LTBP2: variants seen among roughly 807,000 people sequenced by gnomAD.
LTBP2 encodes the protein latent transforming growth factor beta binding protein 2, also known as latent-transforming growth factor beta-binding protein 2.
Under a neutral mutation model 210.6 loss-of-function variants are expected in LTBP2, and 103 were observed. The ratio of observed to expected loss-of-function variants is 0.49; its 90% confidence interval spans 0.42 to 0.58. LTBP2 has a LOEUF of 0.58. LTBP2 is among the 20% of genes least tolerant of loss of function. The pLI is 0.00. For missense variants in LTBP2, 2,313 were observed against 2,494.5 expected, an observed-to-expected ratio of 0.93 and a Z score of 1.55; for synonymous variants, 1,007 against 1,015.0, an observed-to-expected ratio of 0.99 and a Z score of 0.15.
At position 74,552,454 on chromosome 14, in the gene LTBP2, T is replaced by C. The variant is rs11622992; in HGVS notation, c.1193-61A>G. ...AGAACAGCAGCACCCGCTCTGTGGC[T>C]GGTGACCACCACAGAGAAACAGGCG... On this transcript the variant is annotated intron_variant, in intron 5 of 35. Coordinates refer to ENST00000261978, the MANE Select transcript of LTBP2 (RefSeq NM_000428.3). The C allele has an allele frequency of 0.56, 842,127 of 1,500,100 alleles. 244,019 individuals carry two copies. Among genetic ancestry groups the C allele is most frequent in the African/African-American group, 0.78 (56,688 of 73,104 alleles). The allele number at this position is 1,500,100 out of a possible 1,614,324, so 92.9% of individuals were successfully genotyped here. A position where few individuals can be genotyped will look rare whatever the true frequency, so the allele number is the denominator to read the frequency against.
intron 8 of LTBP2, among the ~76,000 whole-genome samples, chr14:74,546,424 G>A (rs2087576555): frequency 6.6e-6 from 1 of 152,202 alleles, no homozygotes; most frequent in Non-Finnish European, 1.5e-5. Context: ...CTGGCACTCT[G>A]TCAACACAAA....
chr14:74,505,515 T>C (rs1361173871), intron 28 of LTBP2, among the ~76,000 whole-genome samples: 1 of 152,182 alleles, frequency 6.6e-6, no homozygotes, highest in Non-Finnish European at 1.5e-5. Context: ...GTGCCTGGCA[T>C]GCCATATGGG....
At chr14:74,582,755 G>A (rs1229086077) in intron 3 of LTBP2, among the ~76,000 whole-genome samples, 1 of 152,184 alleles carries the variant, frequency 6.6e-6, no homozygotes, top group African/African-American at 2.4e-5. Flanking sequence ...TCAGCATCCT[G>A]TGGGACCACG....
rs180751344 is a variant in LTBP2 at position 74,509,348 on chromosome 14, G to T, written c.3293C>A (p.Ala1098Asp). 5.6e-6 allele frequency: 9 copies of T among 1,613,482 alleles called. No individual in the cohort carries two copies. In the Admixed American group the frequency reaches 1.3e-4, roughly 24 times the overall value. Residue 1098 changes from alanine to aspartate, a missense_variant, in exon 22 of 36, where the codon GCC (alanine) becomes GAC (aspartate). Coordinates refer to ENST00000261978, the MANE Select transcript of LTBP2 (RefSeq NM_000428.3). Reference protein sequence around the residue: ...GTACEDLDECAFPGVCPSGVC... With the variant: ...GTACEDLDECDFPGVCPSGVC... ...TCCGGAGGGGCAGACTCCCGGGAAG[G>T]CACACTCATCTAGGTCTGCAGACAG...
chr14:74,596,513 G>C (rs1259869009), intron 2 of LTBP2, among the ~76,000 whole-genome samples: 1 of 152,202 alleles, frequency 6.6e-6, no homozygotes, highest in Non-Finnish European at 1.5e-5. Context: ...AGTGGCCCAG[G>C]CTGCACTCAG....
intron 8 of LTBP2, among the ~76,000 whole-genome samples, chr14:74,548,451 G>A (rs753624173): frequency 1.7e-4 from 26 of 151,960 alleles, no homozygotes; most frequent in Non-Finnish European, 3.4e-4. Context: ...CTCTGTCCAG[G>A]GCCTGCATGC....
chr14:74,571,946 G>T (rs2087984420), intron 3 of LTBP2, among the ~76,000 whole-genome samples: 1 of 146,356 alleles, frequency 6.8e-6, no homozygotes. Context: ...AAATATTTTT[G>T]TAGGAGAAAT....
chr14:74,552,089 C>T, intron 6 of LTBP2, 98 bp downstream of exon 6: 1 of 1,161,682 alleles, frequency 8.6e-7, no homozygotes, highest in Non-Finnish European at 1.2e-6. Flanking sequence ...GGAAGGACTA[C>T]AGGCAGCTTC....
intron 3 of LTBP2, among the ~76,000 whole-genome samples, chr14:74,564,073 ATT>A (rs2087836318): frequency 3.5e-5 from 1 of 28,926 alleles, no homozygotes; most frequent in African/African-American, 1.7e-4. Context: ...ATATATATAT[ATT>A]TATATATATA....
intron 5 of LTBP2, 39 bp downstream of exon 5, chr14:74,552,853 G>A: frequency 6.3e-7 from 1 of 1,595,092 alleles, no homozygotes; most frequent in South Asian, 1.1e-5. Flanking sequence ...CTACCCTCCA[G>A]GGCCAGCTGG....
Position 74,551,170 on chromosome 14 carries a change from T to C in LTBP2, c.1580A>G (p.Asn527Ser). The change falls in exon 7 of 36, where the codon AAC becomes AGC. Residue 527 changes from asparagine to serine, a missense_variant. This residue lies in a region of LTBP2 where 1,867 missense variants were observed against 1,976.9 expected (regional missense o/e 0.94). Transcript: ENST00000261978. ...CTCTCCAGACCGAGCAGGGATGTTG[T>C]TGCTGTCCCAGAGGCTGTGGCCAGG... ...ASPGHSLWDS[N>S]NIPARSGEPP... 6.2e-7 allele frequency: 1 copy of C among 1,613,932 alleles called. No individual in the cohort carries two copies. The highest frequency in any genetic ancestry group is 1.3e-5 in the African/African-American group (1 of 75,052).
intron 3 of LTBP2, among the ~76,000 whole-genome samples, chr14:74,580,059 TAAG>T (rs766474392): frequency 3.9e-5 from 6 of 152,168 alleles, no homozygotes; most frequent in East Asian, 3.9e-4. Flanking sequence ...TTTCTTGGGG[TAAG>T]AAGAAGAAGA....
chr14:74,560,216 GAA>G, intron 3 of LTBP2, among the ~76,000 whole-genome samples: 1 of 152,220 alleles, frequency 6.6e-6, no homozygotes, highest in East Asian at 1.9e-4. Flanking sequence ...TTTCACGAAA[GAA>G]AAGACATTTC....
intron 25 of LTBP2, among the ~76,000 whole-genome samples, chr14:74,507,742 G>C (rs1451125096): frequency 1.3e-5 from 2 of 152,222 alleles, no homozygotes; most frequent in African/African-American, 4.8e-5. Context: ...AATGTCTATT[G>C]AATCAATTTG....
chr14:74,524,946 G>A (rs2087252711), intron 15 of LTBP2, among the ~76,000 whole-genome samples, 178 bp downstream of exon 15: 1 of 152,214 alleles, frequency 6.6e-6, no homozygotes, highest in South Asian at 2.1e-4. Context: ...GAGGGACCCT[G>A]TGTTCTTTGT....
rs939596704 is a variant in LTBP2, at chr14:74,521,039, A to T, written c.2788+872T>A. ...CCGTGATTCTCCCGCTCCTCCGTTA[A>T]GTTAGGAGGTCTGCCCCTTCTACTT... is the stretch of plus-strand genomic sequence containing the variant. On this transcript the variant is annotated intron_variant, in intron 17 of 35. Coordinates refer to ENST00000261978, the MANE Select transcript of LTBP2 (RefSeq NM_000428.3). Among the ~76,000 whole-genome samples, 39 of 152,170 alleles carry T rather than the reference A, an allele frequency of 2.6e-4. 1 individual carries two copies. The highest frequency in any genetic ancestry group is 7.3e-5 in the Non-Finnish European group (5 of 68,040).
At chr14:74,530,988 C>T (rs1054734333) in intron 10 of LTBP2, among the ~76,000 whole-genome samples, 1 of 152,198 alleles carries the variant, frequency 6.6e-6, no homozygotes, top group Non-Finnish European at 1.5e-5. Flanking sequence ...AATCATCAGC[C>T]GTCTGTGAGC....
At chr14:74,585,817 G>T in intron 3 of LTBP2, 37 bp downstream of exon 3, 1 of 1,613,892 alleles carries the variant, frequency 6.2e-7, no homozygotes, top group Non-Finnish European at 8.5e-7. Context: ...AAGAGACTGA[G>T]CCCCAGACCC....
intron 3 of LTBP2, among the ~76,000 whole-genome samples, chr14:74,570,422 G>T (rs914314872): frequency 7.9e-5 from 12 of 152,210 alleles, no homozygotes; most frequent in African/African-American, 2.9e-4. Context: ...GGCAGCTAGG[G>T]ACCTGGGTCA....
Sources: gnomAD v4.1 joint callset for allele counts (sites outside exome capture counted in the v4.1 genomes callset) on GRCh38, gnomAD v4.1.1 for gene constraint, gnomAD v4.1.1 regional missense constraint, MANE v1.5 for transcripts, NCBI Gene and HGNC (gene_info 2026-07-23, HGNC 2026-07-21) for gene names.